Variants in TESMIN observed in about 807,000 individuals in gnomAD.
TESMIN encodes the protein testis expressed metallothionein like protein.
In TESMIN, 34 loss-of-function variants were observed where a neutral mutation model predicts 47.4. The ratio of observed to expected loss-of-function variants is 0.72; its 90% confidence interval spans 0.55 to 0.96. The LOEUF is 0.96. Among genes scored for constraint, TESMIN ranks in the 40% least tolerant of loss-of-function variants. TESMIN has a pLI of 0.00. For synonymous variants in TESMIN, 278 were observed against 258.9 expected, an observed-to-expected ratio of 1.07 and a Z score of -0.71; for missense variants, 610 against 637.2, an observed-to-expected ratio of 0.96 and a Z score of 0.46.
At chr11:68,713,762 G>A (rs1265159509) in intron 7 of TESMIN, among the ~76,000 whole-genome samples, 1 of 152,102 alleles carries the variant, frequency 6.6e-6, no homozygotes, top group East Asian at 1.9e-4. Context: ...TTGAGACCGT[G>A]GACCATACTA....
At chr11:68,711,313 TGG>T (rs2153990631) in intron 8 of TESMIN, among the ~76,000 whole-genome samples, 1 of 133,852 alleles carries the variant, frequency 7.5e-6, no homozygotes, top group South Asian at 2.4e-4. Flanking sequence ...TGAGTGTGTG[TGG>T]GGTGTGTGTG....
chr11:68,722,142 AAC>A (rs1183020916), intron 6 of TESMIN, among the ~76,000 whole-genome samples: 1 of 152,242 alleles, frequency 6.6e-6, no homozygotes, highest in Non-Finnish European at 1.5e-5. Flanking sequence ...GCACTTTAGA[AAC>A]ACTATGCTAA....
chr11:68,708,208 G>A lies in TESMIN; in HGVS notation c.*100C>T. ...GGGCCCAGGGATGCAGGGGAGCCTG[G>A]TTGTTGCTGCAGAGCCAGCCTCATG... On this transcript the variant is annotated 3_prime_UTR_variant, in exon 10 of 10. Coordinates refer to ENST00000255087, the MANE Select transcript of TESMIN (RefSeq NM_004923.3). 8.3e-7 allele frequency: 1 copy of A among 1,211,972 alleles called. No homozygotes were observed. Among genetic ancestry groups the A allele is most frequent in the South Asian group, 1.5e-5 (1 of 66,558 alleles). 75.1% of individuals were successfully genotyped at this position (1,211,972 alleles called of 1,614,324 possible). A position where few individuals can be genotyped will look rare whatever the true frequency, so the allele number is the denominator to read the frequency against.
chr11:68,731,445 TA>T (rs5792449), intron 6 of TESMIN, among the ~76,000 whole-genome samples: 48 of 148,310 alleles, frequency 3.2e-4, no homozygotes, highest in Non-Finnish European at 6.4e-4. Flanking sequence ...AGTTATAAAA[TA>T]AAAAAAAAAA....
At chr11:68,738,593 G>C (rs1594298915) in intron 6 of TESMIN, 107 bp downstream of exon 6, 1 of 1,538,714 alleles carries the variant, frequency 6.5e-7, no homozygotes, top group East Asian at 2.3e-5. Flanking sequence ...AAGTCATGAA[G>C]GTGTGCAGTG....
chr11:68,719,113 A>C (rs1170079161), intron 6 of TESMIN, among the ~76,000 whole-genome samples: 2 of 152,216 alleles, frequency 1.3e-5, no homozygotes, highest in Non-Finnish European at 2.9e-5. Flanking sequence ...CGAGAGCTGC[A>C]CACAGGCCTG....
At chr11:68,711,528 C>T (rs897245811) in intron 8 of TESMIN, among the ~76,000 whole-genome samples, 1 of 151,822 alleles carries the variant, frequency 6.6e-6, no homozygotes, top group Non-Finnish European at 1.5e-5. Flanking sequence ...GAGTGGAGGC[C>T]GAGTGTATGG....
intron 2 of TESMIN, 114 bp from the exon 3 acceptor site, chr11:68,747,480 G>A (rs1417296929): frequency 1.4e-5 from 13 of 920,492 alleles, no homozygotes; most frequent in South Asian, 9.6e-5. Flanking sequence ...GTGAAACCCT[G>A]TCTCTACTAG....
At chr11:68,746,115 C>T (rs1004533394) in intron 3 of TESMIN, among the ~76,000 whole-genome samples, 1 of 152,114 alleles carries the variant, frequency 6.6e-6, no homozygotes, top group East Asian at 1.9e-4. Flanking sequence ...TGATGAGAGG[C>T]CAGCATTCAT....
At chr11:68,712,886 C>T (rs1471480034) in intron 8 of TESMIN, among the ~76,000 whole-genome samples, 4 of 152,218 alleles carry the variant, frequency 2.6e-5, no homozygotes, top group Admixed American at 1.3e-4. Context: ...CCCACGGCCC[C>T]ACCTAGAGCA....
chr11:68,747,366 C>T lies in TESMIN; in HGVS notation c.472G>A (p.Val158Ile), dbSNP rs1946535396. 5 of 1,610,312 alleles carry T rather than the reference C, an allele frequency of 3.1e-6. No individual in the cohort carries two copies. Among genetic ancestry groups the T allele is most frequent in the East Asian group, 2.2e-5 (1 of 44,816 alleles). The change falls in exon 3 of 10, where the codon GTT (valine) becomes ATT (isoleucine). Residue 158 changes from valine (V) to isoleucine (I), a missense_variant and splice_region_variant. Val to Ile is a conservative substitution (Grantham distance 29). Transcript: ENST00000255087. Reference sequence around the variant, plus strand: ...GTACCACCTGCTTCCTTGATTTCAACCTAGAAAAAAGCAATAATTATTTTA... The same window carrying T: ...GTACCACCTGCTTCCTTGATTTCAATCTAGAAAAAAGCAATAATTATTTTA... ...ASHPGVRMIP[V>I]EIKEAGGTTT... is the part of the protein sequence containing the mutation.
intron 6 of TESMIN, among the ~76,000 whole-genome samples, chr11:68,727,118 T>A (rs999208852): frequency 1.3e-5 from 2 of 150,282 alleles, no homozygotes; most frequent in Non-Finnish European, 3.0e-5. Context: ...TTTCTTAAAG[T>A]CAATCAATAT....
rs1197656101 is a variant in TESMIN, at chr11:68,742,467, CAA to C, written c.752-75_752-74del. On this transcript the variant is annotated intron_variant, in intron 4 of 9. Coordinates refer to ENST00000255087, the MANE Select transcript of TESMIN (RefSeq NM_004923.3). ...TTCCACTTACACGTGGATGAAAGTA[CAA>C]AAGTCTGTTATGGACATGTCCTGTG... 19 of 960,056 alleles carry C rather than the reference CAA, an allele frequency of 2.0e-5. No individual in the cohort carries two copies. The East Asian group carries it at 4.3e-4, about 22-fold the overall frequency. 59.5% of individuals were successfully genotyped at this position (960,056 alleles called of 1,614,324 possible).
chr11:68,729,795 T>C (rs1432983991), intron 6 of TESMIN, among the ~76,000 whole-genome samples: 1 of 152,166 alleles, frequency 6.6e-6, no homozygotes, highest in Non-Finnish European at 1.5e-5. Flanking sequence ...CAATACAGGA[T>C]CTAGAATATT....
At chr11:68,737,204 T>G (rs1946397272) in intron 6 of TESMIN, 1 of 985,262 alleles carries the variant, frequency 1.0e-6, no homozygotes, top group Admixed American at 6.1e-5. Flanking sequence ...CCAATTACAA[T>G]CATAGCAACT....
chr11:68,717,671 G>A (rs1482989116), intron 6 of TESMIN, among the ~76,000 whole-genome samples: 2 of 152,186 alleles, frequency 1.3e-5, no homozygotes, highest in African/African-American at 2.4e-5. Context: ...GGAAGGCTCT[G>A]GAATGGGCAG....
chr11:68,737,056 C>T (rs748796529), intron 6 of TESMIN: 37 of 985,202 alleles, frequency 3.8e-5, no homozygotes, highest in Non-Finnish European at 4.5e-5. Context: ...TGACCAGATG[C>T]CCCCAGATTA....
At chr11:68,738,821 T>C in intron 5 of TESMIN, 33 bp from the exon 6 acceptor site, 1 of 1,570,082 alleles carries the variant, frequency 6.4e-7, no homozygotes, top group Non-Finnish European at 8.8e-7. Flanking sequence ...ATATTTTGAA[T>C]TAGCAAGGAT....
intron 7 of TESMIN, among the ~76,000 whole-genome samples, chr11:68,714,904 T>C (rs1946118229): frequency 2.0e-5 from 3 of 152,228 alleles, no homozygotes. Flanking sequence ...CCAACCCTTT[T>C]TGTTTTTACA....
Sources: allele counts gnomAD v4.1 joint callset (sites outside exome capture counted in the v4.1 genomes callset), GRCh38; gene constraint gnomAD v4.1.1; transcripts MANE v1.5; gene names NCBI Gene and HGNC (gene_info 2026-07-23, HGNC 2026-07-21).